The following CFAP95 variants were observed in gnomAD, a reference collection of about 807,000 sequenced individuals.
The protein encoded by CFAP95 is cilia and flagella associated protein 95.
chr9:69,838,167 A>T, the CFAP95 span, among the ~76,000 whole-genome samples: 1 of 152,180 alleles, frequency 6.6e-6, no homozygotes. Flanking sequence ...AGGTAGCGTG[A>T]TGCCTCCAGC....
chr9:69,843,540 CTCCTCCTCCTCCTCCTCCTTCT>C, the CFAP95 span, among the ~76,000 whole-genome samples: 1 of 31,540 alleles, frequency 3.2e-5, no homozygotes, highest in Non-Finnish European at 6.2e-5. Flanking sequence ...CCTCCTCCTC[CTCCTCCTCCTCCTCCTCCTTCT>C]TCTTCTTCTT....
chr9:69,876,716 C>A, the CFAP95 span, among the ~76,000 whole-genome samples: 12 of 152,052 alleles, frequency 7.9e-5, no homozygotes, highest in East Asian at 1.9e-4. Flanking sequence ...CTCACTGCAA[C>A]CTCCGCCTCC....
chr9:69,836,709 TTTTA>T, the CFAP95 span, among the ~76,000 whole-genome samples: 23 of 145,114 alleles, frequency 1.6e-4, no homozygotes, highest in Admixed American at 2.8e-4. Context: ...TTTTTTTACA[TTTTA>T]TTTATTTATT....
chr9:69,892,754 G>A, the CFAP95 span, among the ~76,000 whole-genome samples: 1 of 152,162 alleles, frequency 6.6e-6, no homozygotes, highest in Non-Finnish European at 1.5e-5. Flanking sequence ...AAGAGAAAAA[G>A]CAGTCAGACA....
At chr9:69,896,713 G>A in the CFAP95 span, among the ~76,000 whole-genome samples, 1 of 152,134 alleles carries the variant, frequency 6.6e-6, no homozygotes, top group Admixed American at 6.5e-5. Flanking sequence ...ATCATTGGAG[G>A]AAAAAATATC....
chr9:69,858,995 G>A, the CFAP95 span, among the ~76,000 whole-genome samples: 1 of 152,142 alleles, frequency 6.6e-6, no homozygotes, highest in Non-Finnish European at 1.5e-5. Context: ...GTGCATTGTG[G>A]GGTTGTTGTG....
the CFAP95 span, among the ~76,000 whole-genome samples, chr9:69,822,206 G>C: frequency 5.3e-5 from 8 of 152,140 alleles, no homozygotes; most frequent in African/African-American, 1.7e-4. Context: ...ATGAAAAGAA[G>C]TCACAAATCT....
chr9:69,875,960 G>A, the CFAP95 span, among the ~76,000 whole-genome samples: 2 of 152,052 alleles, frequency 1.3e-5, no homozygotes, highest in East Asian at 1.9e-4. Flanking sequence ...GAATATATAT[G>A]TAAGAGTTTC....
chr9:69,821,608 T>A, the CFAP95 span, among the ~76,000 whole-genome samples: 15 of 152,190 alleles, frequency 9.9e-5, no homozygotes, highest in Non-Finnish European at 1.9e-4. Flanking sequence ...GGGTAGGGTG[T>A]ACATGGAGTG....
the CFAP95 span, chr9:69,906,063 G>A: frequency 1.2e-6 from 2 of 1,613,358 alleles, no homozygotes; most frequent in African/African-American, 1.3e-5. Flanking sequence ...CATGATGAGA[G>A]TGGGATTTAT....
chr9:69,823,016 G>A, the CFAP95 span, among the ~76,000 whole-genome samples: 1 of 152,162 alleles, frequency 6.6e-6, no homozygotes, highest in African/African-American at 2.4e-5. Flanking sequence ...GTAGCTGTAT[G>A]AGTACATTTT....
chr9:69,895,375 G>C, the CFAP95 span, among the ~76,000 whole-genome samples: 35 of 130,176 alleles, frequency 2.7e-4, no homozygotes, highest in African/African-American at 1.1e-3. Context: ...CTCTCTGTGT[G>C]TGTGTGTGTG....
the CFAP95 span, among the ~76,000 whole-genome samples, chr9:69,900,913 C>T: frequency 2.0e-5 from 3 of 151,972 alleles, no homozygotes; most frequent in African/African-American, 4.8e-5. Flanking sequence ...ATGTGCACAA[C>T]GTGCAAGTTT....
At chr9:69,832,620 ATTTTTTTTT>A in the CFAP95 span, among the ~76,000 whole-genome samples, 12 of 11,356 alleles carry the variant, frequency 1.1e-3, no homozygotes, top group Admixed American at 1.8e-3. Flanking sequence ...GTCTATTCGG[ATTTTTTTTT>A]TTTTTTTTTT....
chr9:69,900,243 A>C, the CFAP95 span, among the ~76,000 whole-genome samples: 1 of 152,074 alleles, frequency 6.6e-6, no homozygotes, highest in East Asian at 1.9e-4. Flanking sequence ...TCTCCCCTGA[A>C]AAAAGTATAT....
chr9:69,900,920 G>T, the CFAP95 span, among the ~76,000 whole-genome samples: 1 of 152,070 alleles, frequency 6.6e-6, no homozygotes, highest in Non-Finnish European at 1.5e-5. Flanking sequence ...CAACGTGCAA[G>T]TTTGTTACAT....
At chr9:69,834,555 A>G in the CFAP95 span, among the ~76,000 whole-genome samples, 3 of 152,104 alleles carry the variant, frequency 2.0e-5, no homozygotes, top group Non-Finnish European at 4.4e-5. Context: ...TAACATTTAA[A>G]CTGTTACGAT....
At chr9:69,854,915 T>C in the CFAP95 span, among the ~76,000 whole-genome samples, 2 of 152,236 alleles carry the variant, frequency 1.3e-5, no homozygotes, top group Non-Finnish European at 2.9e-5. Flanking sequence ...ACTAGAGCTG[T>C]AGGTTGTTCT....
chr9:69,872,084 T>C, the CFAP95 span, among the ~76,000 whole-genome samples: 1 of 152,158 alleles, frequency 6.6e-6, no homozygotes, highest in African/African-American at 2.4e-5. Flanking sequence ...TTCCAAAAGT[T>C]TTTCATCCAG....
Sources: gnomAD v4.1 joint callset for allele counts (sites outside exome capture counted in the v4.1 genomes callset) on GRCh38, gnomAD v4.1.1 for gene constraint, MANE v1.5 for transcripts, NCBI Gene and HGNC (gene_info 2026-07-23, HGNC 2026-07-21) for gene names.